Variants in ZNF423 observed in about 807,000 individuals in gnomAD.
The protein encoded by ZNF423 is Ebf-associated zinc finger protein.
In ZNF423, 12 loss-of-function variants were observed where a neutral mutation model predicts 95.8. That is an observed-to-expected ratio of 0.13 (90% CI 0.08 to 0.20). The LOEUF is 0.20. ZNF423 is among the 10% of genes least tolerant of loss of function. The probability of loss-of-function intolerance (pLI) is 1.00; values close to 1 mark genes in which losing one functional copy is unlikely to be tolerated. For missense variants in ZNF423, 1,316 were observed against 1,737.1 expected (o/e 0.76, Z 4.31); for synonymous variants, 749 against 711.9 (o/e 1.05, Z -0.83).
At chr16:49,829,609 G>A (rs1314625321) in intron 1 of ZNF423, among the ~76,000 whole-genome samples, 1 of 152,170 alleles carries the variant, frequency 6.6e-6, no homozygotes, top group Non-Finnish European at 1.5e-5. Context: ...ACTGTGTCCA[G>A]ACTCCCTTCC....
intron 3 of ZNF423, among the ~76,000 whole-genome samples, chr16:49,650,739 G>A (rs1973370690): frequency 6.6e-6 from 1 of 152,220 alleles, no homozygotes. Context: ...CCCCAGTAAT[G>A]AGGAAAAAGA....
chr16:49,577,705 G>T (rs74017974), intron 5 of ZNF423, among the ~76,000 whole-genome samples: 316 of 152,294 alleles, frequency 2.1e-3, no homozygotes, highest in African/African-American at 7.3e-3. Flanking sequence ...AGGCAGTGCC[G>T]ACCCTCCTCA....
At chr16:49,701,842 T>C (rs1418703612) in intron 3 of ZNF423, among the ~76,000 whole-genome samples, 1 of 152,180 alleles carries the variant, frequency 6.6e-6, no homozygotes, top group African/African-American at 2.4e-5. Flanking sequence ...AATTCTTCTC[T>C]TTCACTCTTG....
At chr16:49,624,433 G>A (rs575506911) in intron 5 of ZNF423, among the ~76,000 whole-genome samples, 8 of 152,250 alleles carry the variant, frequency 5.3e-5, no homozygotes, top group African/African-American at 1.9e-4. Context: ...CATGCCTGTA[G>A]TACCAGCTGC....
chr16:49,679,966 C>T (rs2031280179), intron 3 of ZNF423, among the ~76,000 whole-genome samples: 1 of 152,218 alleles, frequency 6.6e-6, no homozygotes, highest in Non-Finnish European at 1.5e-5. Context: ...AAGGAGCTAC[C>T]CACTTCGGGT....
At chr16:49,653,613 T>C (rs1323877279) in intron 3 of ZNF423, among the ~76,000 whole-genome samples, 2 of 151,918 alleles carry the variant, frequency 1.3e-5, no homozygotes, top group African/African-American at 4.8e-5. Flanking sequence ...GGGAAAGGGG[T>C]GGGTGGGGTG....
At chr16:49,573,727 T>C (rs1386300097) in intron 5 of ZNF423, among the ~76,000 whole-genome samples, 1 of 152,138 alleles carries the variant, frequency 6.6e-6, no homozygotes, top group East Asian at 1.9e-4. Flanking sequence ...GGGGACACAT[T>C]CAAACCATTG....
Position 49,638,732 on chromosome 16 carries a change from G to C in ZNF423, c.444C>G (p.Cys148Trp). The C allele has an allele frequency of 6.2e-7, 1 of 1,614,188 alleles. No homozygotes were observed. Among genetic ancestry groups the C allele is most frequent in the Non-Finnish European group, 8.5e-7 (1 of 1,180,050 alleles). ...GGATGAAGGACTTGTCGCAGAACTGGCAAGGGTATGGCAGGCCCGTGCCCC... is the reference window on the plus strand; with the variant it reads ...GGATGAAGGACTTGTCGCAGAACTGCCAAGGGTATGGCAGGCCCGTGCCCC... The part of the protein sequence containing the change: ...EEGGTGLPYP[C>W]QFCDKSFIRL... Residue 148 changes from cysteine to tryptophan, a missense_variant, in exon 4 of 8, where the codon TGC (cysteine) becomes TGG (tryptophan). Physicochemically the swap from Cys to Trp is radical, Grantham distance 215. This residue lies in a region of ZNF423 where 58 missense variants were observed against 116.9 expected (regional missense o/e 0.50). Transcript: ENST00000563137. This position sits in a 1 kb window ranked among gnomAD's most constrained non-coding sequence, Gnocchi z 5.6.
chr16:49,805,386 G>A (rs2034646620), intron 1 of ZNF423, among the ~76,000 whole-genome samples: 1 of 152,176 alleles, frequency 6.6e-6, no homozygotes, highest in African/African-American at 2.4e-5. Context: ...ACAAAAGCAG[G>A]TACTCATCTT....
In ZNF423 at chr16:49,636,511, C is replaced by T. The variant is rs373166241; in HGVS notation, c.2665G>A (p.Ala889Thr). The T allele has an allele frequency of 8.3e-5, 134 of 1,613,782 alleles. No individual in the cohort carries two copies. Among genetic ancestry groups the T allele is most frequent in the Admixed American group, 4.0e-4 (24 of 60,030 alleles). ...TCACAGCCGTACATGGGCTCCGACG[C>T]GTCCACGTCATCCTCGCTGGCCTCA... is the stretch of plus-strand genomic sequence containing the variant. ...SHEASEDDVD[A>T]SEPMYGCDIC... The change falls in exon 4 of 8, where the codon GCG becomes ACG. Residue 889 changes from alanine (A) to threonine (T), a missense_variant. Transcript: ENST00000563137. This position sits in a 1 kb window ranked among gnomAD's most constrained non-coding sequence, Gnocchi z 8.6.
chr16:49,815,101 G>A (rs1020289699), intron 1 of ZNF423, among the ~76,000 whole-genome samples: 2 of 152,182 alleles, frequency 1.3e-5, no homozygotes, highest in Non-Finnish European at 1.5e-5. Context: ...CTCATCAGCT[G>A]TGTGAACTTC....
chr16:49,819,494 C>T (rs2034907652), intron 1 of ZNF423, among the ~76,000 whole-genome samples: 1 of 151,946 alleles, frequency 6.6e-6, no homozygotes, highest in Non-Finnish European at 1.5e-5. Flanking sequence ...GTCACCCAGG[C>T]TGGAGTGCAG....
intron 5 of ZNF423, among the ~76,000 whole-genome samples, chr16:49,549,557 G>A (rs1224712546): frequency 6.6e-6 from 1 of 152,236 alleles, no homozygotes; most frequent in Non-Finnish European, 1.5e-5. Flanking sequence ...GAAGGTGACA[G>A]GTCTGGGACC....
chr16:49,683,908 T>C (rs369549252), intron 3 of ZNF423, among the ~76,000 whole-genome samples: 10 of 152,008 alleles, frequency 6.6e-5, no homozygotes, highest in African/African-American at 2.4e-4. Context: ...ACATCTCTAC[T>C]AAAAATTTAA....
At chr16:49,826,699 A>T (rs1185768233) in intron 1 of ZNF423, 1 of 152,316 alleles carries the variant, frequency 6.6e-6, no homozygotes, top group South Asian at 2.1e-4. Flanking sequence ...TGTTTTCTAC[A>T]CAGAACTATC....
At chr16:49,584,537 T>G (rs1339831910) in intron 5 of ZNF423, among the ~76,000 whole-genome samples, 1 of 152,176 alleles carries the variant, frequency 6.6e-6, no homozygotes, top group African/African-American at 2.4e-5. Flanking sequence ...ACATGAAGAC[T>G]AGGTGACCTA....
Position 49,521,333 on chromosome 16 carries a change from C to T in ZNF423, c.3849+2291G>A, listed in dbSNP as rs903190600. ...ATGCACTCACGGGTTTAAAAGAGGC[C>T]TGACCTGTTGGGCTATAGAAAGCCT... On this transcript the variant is annotated intron_variant, in intron 7 of 7. Coordinates refer to ENST00000563137, the MANE Select transcript of ZNF423 (RefSeq NM_001379286.1). 1.1e-4 allele frequency among the ~76,000 whole-genome samples: 16 copies of T among 152,214 alleles called. No homozygotes were observed. The East Asian group carries it at 2.9e-3, about 27-fold the overall frequency.
chr16:49,567,917 CTTG>C (rs1401385032), intron 5 of ZNF423, among the ~76,000 whole-genome samples: 1 of 152,166 alleles, frequency 6.6e-6, no homozygotes, highest in Non-Finnish European at 1.5e-5. Context: ...GGAAGTGGAC[CTTG>C]TTTTTATTCC....
chr16:49,809,815 G>C (rs945626949), intron 1 of ZNF423, among the ~76,000 whole-genome samples: 2 of 152,184 alleles, frequency 1.3e-5, no homozygotes, highest in African/African-American at 2.4e-5. Flanking sequence ...AAAGACACCA[G>C]GGGGTCTGGG....
Sources: allele counts gnomAD v4.1 joint callset (sites outside exome capture counted in the v4.1 genomes callset), GRCh38; gene constraint gnomAD v4.1.1; regional missense constraint gnomAD v4.1.1; non-coding constraint Gnocchi (gnomAD v3.1); transcripts MANE v1.5; gene names NCBI Gene and HGNC (gene_info 2026-07-23, HGNC 2026-07-21).